Variants in BABAM2 observed in about 807,000 individuals in gnomAD.
BABAM2 encodes the protein BRISC and BRCA1-A complex member 2.
A neutral mutation model predicts 54.7 loss-of-function variants in BABAM2; 31 were observed. The observed-to-expected ratio is 0.57, with a 90% CI of 0.43 to 0.77. The LOEUF is 0.77. Among genes scored for constraint, BABAM2 ranks in the 30% least tolerant of loss-of-function variants. BABAM2 has a pLI of 0.00. For synonymous variants in BABAM2, 167 were observed against 162.9 expected (o/e 1.03, Z -0.19); for missense variants, 364 against 455.8 (o/e 0.80, Z 1.83).
At chr2:28,012,247 A>G (rs772247104) in intron 4 of BABAM2, among the ~76,000 whole-genome samples, 3 of 152,170 alleles carry the variant, frequency 2.0e-5, no homozygotes, top group Non-Finnish European at 4.4e-5. Flanking sequence ...AGGAAAAACA[A>G]TTTGAATTAA....
intron 4 of BABAM2, among the ~76,000 whole-genome samples, chr2:28,002,737 G>A (rs1252807777): frequency 1.3e-5 from 2 of 152,136 alleles, no homozygotes; most frequent in African/African-American, 4.8e-5. Context: ...TAATGAAAGA[G>A]AGAATACAGT....
chr2:28,183,441 C>CA (rs922296075), intron 7 of BABAM2, among the ~76,000 whole-genome samples: 4 of 150,896 alleles, frequency 2.7e-5, no homozygotes, highest in Non-Finnish European at 4.4e-5. Context: ...ACTCTATCTC[C>CA]AAAAAAAAAT....
intron 4 of BABAM2, among the ~76,000 whole-genome samples, chr2:28,022,114 C>G (rs1272101180): frequency 6.6e-6 from 1 of 152,094 alleles, no homozygotes; most frequent in Non-Finnish European, 1.5e-5. Flanking sequence ...GATATGGGAG[C>G]ACATAGGTAC....
intron 6 of BABAM2, among the ~76,000 whole-genome samples, chr2:28,104,418 G>C (rs1393972047): frequency 1.3e-5 from 2 of 152,186 alleles, no homozygotes; most frequent in Non-Finnish European, 2.9e-5. Context: ...CATTTATGCA[G>C]CCAAAAAACA....
At chr2:28,176,569 CAAA>C (rs778275011) in intron 7 of BABAM2, among the ~76,000 whole-genome samples, 8 of 5,036 alleles carry the variant, frequency 1.6e-3, no homozygotes, top group South Asian at 0.019. Context: ...GACTCTATCT[CAAA>C]AAAAAAAAAA....
intron 11 of BABAM2, among the ~76,000 whole-genome samples, chr2:28,333,001 G>A (rs543685693): frequency 1.3e-5 from 2 of 152,116 alleles, no homozygotes; most frequent in East Asian, 1.9e-4. Context: ...TGAGGACAAG[G>A]ACCCTAGACC....
intron 10 of BABAM2, among the ~76,000 whole-genome samples, chr2:28,280,965 C>T (rs1356472275): frequency 1.3e-5 from 2 of 152,190 alleles, no homozygotes; most frequent in African/African-American, 4.8e-5. Flanking sequence ...ACATCAGGCT[C>T]TGCTGCAGTG....
At chr2:28,315,595 G>A (rs933514436) in intron 11 of BABAM2, among the ~76,000 whole-genome samples, 3 of 151,162 alleles carry the variant, frequency 2.0e-5, no homozygotes, top group Non-Finnish European at 4.4e-5. Flanking sequence ...AGCCTCCCAA[G>A]TAACCAGGAT....
chr2:27,949,882 T>C (rs1416968187), intron 3 of BABAM2, among the ~76,000 whole-genome samples: 1 of 152,206 alleles, frequency 6.6e-6, no homozygotes, highest in Non-Finnish European at 1.5e-5. Context: ...CATTGTGCTG[T>C]TTTTTGGTGA....
chr2:28,107,864 G>A (rs1171992073), intron 6 of BABAM2, among the ~76,000 whole-genome samples: 1 of 152,180 alleles, frequency 6.6e-6, no homozygotes, highest in Non-Finnish European at 1.5e-5. Flanking sequence ...AATGAATTCT[G>A]TATTAATGAA....
chr2:28,115,625 AAAAAATAAATAAAT>A (rs890793868), intron 6 of BABAM2, among the ~76,000 whole-genome samples: 8 of 151,770 alleles, frequency 5.3e-5, no homozygotes, highest in African/African-American at 1.5e-4. Flanking sequence ...GAATCGTCTC[AAAAAATAAATAAAT>A]AAAAATAAAT....
At chr2:27,908,004 C>T (rs1000230640) in intron 2 of BABAM2, among the ~76,000 whole-genome samples, 1 of 152,060 alleles carries the variant, frequency 6.6e-6, no homozygotes, top group Non-Finnish European at 1.5e-5. Flanking sequence ...TGTTTAAAGT[C>T]CCTGTTTTCA....
chr2:28,247,580 C>G (rs13431572), intron 10 of BABAM2, among the ~76,000 whole-genome samples: 1 of 152,034 alleles, frequency 6.6e-6, no homozygotes, highest in Admixed American at 6.6e-5. Flanking sequence ...TCTGAGATCT[C>G]AAGAGGTGAA....
Position 28,338,690 on chromosome 2 carries a change from G to A in BABAM2, c.*177G>A. 1 of 655,310 alleles carries A rather than the reference G, an allele frequency of 1.5e-6. No individual in the cohort carries two copies. The highest frequency in any genetic ancestry group is 1.8e-5 in the South Asian group (1 of 54,948). 40.6% of individuals were successfully genotyped at this position (655,310 alleles called of 1,614,324 possible). A position where few individuals can be genotyped will look rare whatever the true frequency, so the allele number is the denominator to read the frequency against. ...TGAAATCCAACTTGAGCTGGCTGGT[G>A]GTCCCTGGATCCTAGAGCCCTTCAC... is the stretch of plus-strand genomic sequence containing the variant. On this transcript the variant is annotated 3_prime_UTR_variant, in exon 12 of 12. Coordinates refer to ENST00000379624, the MANE Select transcript of BABAM2 (RefSeq NM_199191.3).
intron 11 of BABAM2, 82 bp downstream of exon 11, chr2:28,298,573 G>T: frequency 6.6e-7 from 1 of 1,525,940 alleles, no homozygotes; most frequent in Non-Finnish European, 9.0e-7. Context: ...CTGCTTGCAG[G>T]TTAGTTCCTG....
At chr2:28,070,556 C>CTTTTCTTTTTTTTTT (rs57521666) in intron 6 of BABAM2, among the ~76,000 whole-genome samples, 3 of 147,236 alleles carry the variant, frequency 2.0e-5, no homozygotes, top group Admixed American at 6.7e-5. Context: ...CTTTTCTTTT[C>CTTTTCTTTTTTTTTT]TTTTTTTTTT....
At chr2:28,276,774 C>T (rs975055553) in intron 10 of BABAM2, among the ~76,000 whole-genome samples, 4 of 152,194 alleles carry the variant, frequency 2.6e-5, no homozygotes, top group Non-Finnish European at 5.9e-5. Flanking sequence ...CATAAGCTGG[C>T]AGAAATAGCT....
chr2:28,194,005 G>A (rs971324793), intron 7 of BABAM2, among the ~76,000 whole-genome samples: 53 of 152,142 alleles, frequency 3.5e-4, no homozygotes, highest in East Asian at 3.9e-4. Flanking sequence ...GGAAGACCCC[G>A]TAACCAAATT....
intron 7 of BABAM2, among the ~76,000 whole-genome samples, chr2:28,220,568 T>C (rs1031316641): frequency 1.1e-4 from 16 of 151,656 alleles, no homozygotes; most frequent in African/African-American, 3.6e-4. Flanking sequence ...TATCTCTGTC[T>C]CTCGTATTAC....
Sources: gnomAD v4.1 joint callset for allele counts (sites outside exome capture counted in the v4.1 genomes callset) on GRCh38, gnomAD v4.1.1 for gene constraint, MANE v1.5 for transcripts, NCBI Gene and HGNC (gene_info 2026-07-23, HGNC 2026-07-21) for gene names.